ERO1B: variants seen among roughly 807,000 people sequenced by gnomAD.
The protein encoded by ERO1B is endoplasmic reticulum oxidoreductase 1 beta, also known as ERO1-like protein beta.
Under a neutral mutation model 75.3 loss-of-function variants are expected in ERO1B, and 49 were observed. The ratio of observed to expected loss-of-function variants is 0.65; its 90% CI spans 0.52 to 0.83. The LOEUF (loss-of-function observed/expected upper bound fraction) is 0.83, where lower values mean the gene tolerates loss of function less well. ERO1B is among the 40% of genes least tolerant of loss of function. ERO1B has a pLI of 0.00. For missense variants in ERO1B, 512 were observed against 560.1 expected (o/e 0.91, Z 0.87); for synonymous variants, 191 against 192.9 (o/e 0.99, Z 0.08).
chr1:236,225,838 G>C (rs1473063339), intron 12 of ERO1B, among the ~76,000 whole-genome samples: 1 of 152,190 alleles, frequency 6.6e-6, no homozygotes, highest in Admixed American at 6.5e-5. Context: ...AGAAGGCTGA[G>C]GCACAAGAAT....
rs1663948961 is a variant in ERO1B at position 236,215,558 on chromosome 1, C to T, written c.*2958G>A. 1 of 152,144 alleles carries T rather than the reference C, an allele frequency of 6.6e-6. No homozygotes were observed. The highest frequency in any genetic ancestry group is 1.5e-5 in the Non-Finnish European group (1 of 68,020). 9.4% of individuals were successfully genotyped at this position (152,144 alleles called of 1,614,324 possible). ...GGGAAAAACAAGACAGAAAAGATTG[C>T]AGAAACATGTACTTTAATTCACATT... On this transcript the variant is annotated 3_prime_UTR_variant, in exon 16 of 16. Coordinates refer to ENST00000354619, the MANE Select transcript of ERO1B (RefSeq NM_019891.4).
chr1:236,222,061 G>A (rs368330068), intron 13 of ERO1B, 51 bp from the exon 14 acceptor site: 19 of 1,344,048 alleles, frequency 1.4e-5, no homozygotes, highest in South Asian at 4.8e-5. Context: ...AAATTGAACC[G>A]CATTTGGCTA....
At position 236,244,120 on chromosome 1, in the gene ERO1B, A is replaced by T. The variant is rs10495375; in HGVS notation, c.432-625T>A. On this transcript the variant is annotated intron_variant, in intron 5 of 15. Transcript: ENST00000354619. ...ATCAACTTTGATCTACATTAACTTG[A>T]ACCTATATTCAGGCCTTCTCTGTAT... Among the ~76,000 whole-genome samples the T allele has an allele frequency of 9.4e-3, 1,438 of 152,284 alleles. 22 individuals carry two copies. Among genetic ancestry groups the T allele is most frequent in the African/African-American group, 0.032 (1,333 of 41,564 alleles).
chr1:236,254,590 G>A (rs1043221283), intron 2 of ERO1B, among the ~76,000 whole-genome samples: 1 of 152,030 alleles, frequency 6.6e-6, no homozygotes, highest in African/African-American at 2.4e-5. Context: ...AACATACCAT[G>A]CTCCCTATGT....
Position 236,245,314 on chromosome 1 carries a change from A to ATATATATACACACACGTATATATATACG in ERO1B, c.432-1847_432-1820dup, listed in dbSNP as rs1347981319. Among the ~76,000 whole-genome samples, 5 of 18,820 alleles carry ATATATATACACACACGTATATATATACG rather than the reference A, an allele frequency of 2.7e-4. 2 individuals carry two copies. Among genetic ancestry groups the ATATATATACACACACGTATATATATACG allele is most frequent in the African/African-American group, 4.9e-4 (5 of 10,110 alleles). 12.3% of individuals were successfully genotyped at this position (18,820 alleles called of 152,430 possible). A position where few individuals can be genotyped will look rare whatever the true frequency, so the allele number is the denominator to read the frequency against. On this transcript the variant is annotated intron_variant, in intron 5 of 15. Coordinates refer to ENST00000354619, the MANE Select transcript of ERO1B (RefSeq NM_019891.4). ...CCAGTCAAAATATATATATATATATATATATATACACACACGTATATATAT... is the reference window on the plus strand; with the variant it reads ...CCAGTCAAAATATATATATATATATATATATATACACACACGTATATATATACGTATATATACACACACGTATATATAT...
chr1:236,239,783 C>T (rs2102948001), intron 6 of ERO1B, among the ~76,000 whole-genome samples: 1 of 88,394 alleles, frequency 1.1e-5, no homozygotes, highest in Admixed American at 1.3e-4. Flanking sequence ...ATTTCCTCCT[C>T]TTCAAGTATA....
rs1171832762 is a variant in ERO1B, at chr1:236,250,572, CATATATATATATATATATATATATAT to C, written c.349-631_349-606del. On this transcript the variant is annotated intron_variant, in intron 4 of 15. Coordinates refer to ENST00000354619, the MANE Select transcript of ERO1B (RefSeq NM_019891.4). ...AACCCTCTTGGGAAGTAAATTTGAC[CATATATATATATATATATATATATAT>C]ATATATATATATATATATATCAAAC... 7.4e-4 allele frequency among the ~76,000 whole-genome samples: 64 copies of C among 86,418 alleles called. 1 individual carries two copies. Among genetic ancestry groups the C allele is most frequent in the Middle Eastern group, 7.6e-3 (1 of 132 alleles). The allele number at this position is 86,418 out of a possible 152,430, so 56.7% of individuals were successfully genotyped here. A position where few individuals can be genotyped will look rare whatever the true frequency, so the allele number is the denominator to read the frequency against.
intron 2 of ERO1B, among the ~76,000 whole-genome samples, chr1:236,266,339 C>T (rs1333154687): frequency 6.6e-6 from 1 of 152,244 alleles, no homozygotes; most frequent in Non-Finnish European, 1.5e-5. Flanking sequence ...CATGGTGGCT[C>T]ACGCCTGTAA....
rs1663952930 is a variant in ERO1B, at chr1:236,215,686, G to A, written c.*2830C>T. 6.6e-6 allele frequency: 1 copy of A among 152,092 alleles called. No individual in the cohort carries two copies. The highest frequency in any genetic ancestry group is 1.5e-5 in the Non-Finnish European group (1 of 68,008). The allele number at this position is 152,092 out of a possible 1,614,324, so 9.4% of individuals were successfully genotyped here. A position where few individuals can be genotyped will look rare whatever the true frequency, so the allele number is the denominator to read the frequency against. ...TAAAATACAGTACACATAGATTTGT[G>A]TGTGTGTTTTTTTACCAAATAATTT... On this transcript the variant is annotated 3_prime_UTR_variant, in exon 16 of 16. Coordinates refer to ENST00000354619, the MANE Select transcript of ERO1B (RefSeq NM_019891.4).
At chr1:236,248,872 AT>A (rs1664947943) in intron 5 of ERO1B, among the ~76,000 whole-genome samples, 1 of 152,050 alleles carries the variant, frequency 6.6e-6, no homozygotes, top group African/African-American at 2.4e-5. Flanking sequence ...GTTAATATTT[AT>A]TTACTTGGAA....
intron 8 of ERO1B, among the ~76,000 whole-genome samples, chr1:236,233,770 T>G (rs1369755045): frequency 6.6e-6 from 1 of 152,144 alleles, no homozygotes; most frequent in Non-Finnish European, 1.5e-5. Flanking sequence ...CCTGGAATAT[T>G]TTTCTCTTTT....
At chr1:236,225,890 G>A (rs1273229035) in intron 12 of ERO1B, among the ~76,000 whole-genome samples, 2 of 152,142 alleles carry the variant, frequency 1.3e-5, no homozygotes, top group Non-Finnish European at 2.9e-5. Context: ...AGCCAAGATT[G>A]TGCCATTGCA....
At position 236,253,517 on chromosome 1, in the gene ERO1B, G is replaced by GA; in HGVS notation, c.223-13dup. ...CGCTTCAGATTAACCTTGAAAGAAA[G>GA]AACAAAGTTAGTAAACTCATATTAT... On this transcript the variant is annotated splice_polypyrimidine_tract_variant and intron_variant, in intron 2 of 15. Coordinates refer to ENST00000354619, the MANE Select transcript of ERO1B (RefSeq NM_019891.4). 1 of 1,576,476 alleles carries GA rather than the reference G, an allele frequency of 6.3e-7. No homozygotes were observed. Among genetic ancestry groups the GA allele is most frequent in the Non-Finnish European group, 8.7e-7 (1 of 1,150,062 alleles).
intron 2 of ERO1B, among the ~76,000 whole-genome samples, chr1:236,258,060 C>T (rs1665201144): frequency 6.8e-6 from 1 of 146,528 alleles, no homozygotes; most frequent in African/African-American, 2.5e-5. Context: ...AACAGAAAGC[C>T]AGATCCCTCC....
chr1:236,267,097 C>T (rs1182420898), intron 2 of ERO1B, among the ~76,000 whole-genome samples: 3 of 152,266 alleles, frequency 2.0e-5, no homozygotes, highest in Admixed American at 2.0e-4. Flanking sequence ...TCTTTTGGTC[C>T]AACAGGTCAT....
chr1:236,253,571 G>T, intron 2 of ERO1B, 66 bp from the exon 3 acceptor site: 1 of 1,017,968 alleles, frequency 9.8e-7, no homozygotes, highest in Non-Finnish European at 1.5e-6. Context: ...AAGTGTCATT[G>T]TGTTGGGCAC....
At chr1:236,221,744 C>A in intron 14 of ERO1B, 180 bp downstream of exon 14, 3 of 537,480 alleles carry the variant, frequency 5.6e-6, no homozygotes, top group Admixed American at 3.7e-5. Flanking sequence ...TGAGAAACAT[C>A]CTTTCACATA....
chr1:236,240,955 G>A (rs1422379733), intron 6 of ERO1B, among the ~76,000 whole-genome samples: 1 of 152,018 alleles, frequency 6.6e-6, no homozygotes, highest in Admixed American at 6.6e-5. Context: ...GGAGAAACAT[G>A]AACAAGAAGC....
At chr1:236,222,389 G>A (rs550754679) in intron 13 of ERO1B, among the ~76,000 whole-genome samples, 3 of 152,148 alleles carry the variant, frequency 2.0e-5, no homozygotes, top group Non-Finnish European at 2.9e-5. Flanking sequence ...CTGGGATTAC[G>A]GTGTAAGCCA....
Sources: gnomAD v4.1 joint callset for allele counts (sites outside exome capture counted in the v4.1 genomes callset) on GRCh38, gnomAD v4.1.1 for gene constraint, MANE v1.5 for transcripts, NCBI Gene and HGNC (gene_info 2026-07-23, HGNC 2026-07-21) for gene names.